PLPPR5: variants seen among roughly 807,000 people sequenced by gnomAD.
The protein encoded by PLPPR5 is phospholipid phosphatase-related protein type 5.
Under a neutral mutation model 33.9 loss-of-function variants are expected in PLPPR5, and 16 were observed. The ratio of observed to expected loss-of-function variants is 0.47; its 90% CI spans 0.32 to 0.72. The LOEUF (loss-of-function observed/expected upper bound fraction) is 0.72, where lower values mean the gene tolerates loss of function less well. Ranked by LOEUF, PLPPR5 falls within the 30% of genes least tolerant of loss-of-function variation. PLPPR5 has a pLI of 0.03. For synonymous variants in PLPPR5, 163 were observed against 150.3 expected (o/e 1.08, Z -0.62); for missense variants, 301 against 406.7 (o/e 0.74, Z 2.23).
At position 98,956,731 on chromosome 1, in the gene PLPPR5, C is replaced by A; in HGVS notation, c.248G>T (p.Gly83Val). The stretch of plus-strand genomic sequence containing the variant: ...TTGTAGGCAAAAGACAGCAGTTTCT[C>A]CAACTATTATCTTGAAAGAAAATAA... ...AGVPVLVIIV[G>V]ETAVFCLQLA... Residue 83 changes from glycine (G) to valine (V), a missense_variant, in exon 2 of 6, where the codon GGA becomes GTA. Physicochemically the swap from Gly to Val is moderately radical, Grantham distance 109. Coordinates refer to ENST00000263177, the MANE Select transcript of PLPPR5 (RefSeq NM_001037317.2). The A allele has an allele frequency of 6.4e-7, 1 of 1,561,952 alleles. No individual in the cohort carries two copies. The highest frequency in any genetic ancestry group is 8.6e-7 in the Non-Finnish European group (1 of 1,159,182).
chr1:99,004,334 G>T, intron 1 of PLPPR5, 101 bp downstream of exon 1: 1 of 1,038,556 alleles, frequency 9.6e-7, no homozygotes, highest in Non-Finnish European at 1.4e-6. Context: ...GAACTTAGAA[G>T]GCAAAACCTA....
At chr1:99,002,991 G>GAAAAGAGAAC (rs1557700067) in intron 1 of PLPPR5, among the ~76,000 whole-genome samples, 3 of 141,378 alleles carry the variant, frequency 2.1e-5, no homozygotes, top group African/African-American at 7.9e-5. Flanking sequence ...GTCAAATGGA[G>GAAAAGAGAAC]AAAAGAGAAC....
chr1:98,975,870 A>C (rs1381377108), intron 1 of PLPPR5, among the ~76,000 whole-genome samples: 2 of 151,958 alleles, frequency 1.3e-5, no homozygotes, highest in Non-Finnish European at 2.9e-5. Context: ...CTTCTTGCAC[A>C]ATTTTCCCAC....
rs1648701483 is a variant in PLPPR5 at position 98,901,741 on chromosome 1, AAAGT to A, written c.934-8641_934-8638del. ...GATATGAATTCAACCAAAAGCCTTAAAAGTGTTCATGCTCTGTTTCTGCACTTCT... is the reference window on the plus strand; with the variant it reads ...GATATGAATTCAACCAAAAGCCTTAAGTTCATGCTCTGTTTCTGCACTTCT... On this transcript the variant is annotated intron_variant, in intron 5 of 5. Coordinates refer to ENST00000263177, the MANE Select transcript of PLPPR5 (RefSeq NM_001037317.2). Among the ~76,000 whole-genome samples, 10 of 152,198 alleles carry A rather than the reference AAAGT, an allele frequency of 6.6e-5. No individual in the cohort carries two copies. In the South Asian group the frequency reaches 2.1e-3, roughly 32 times the overall value.
At chr1:98,961,621 T>G (rs571751357) in intron 1 of PLPPR5, among the ~76,000 whole-genome samples, 1 of 152,340 alleles carries the variant, frequency 6.6e-6, no homozygotes, top group African/African-American at 2.4e-5. Context: ...TTCATATCTA[T>G]TCTTTCTTCC....
intron 1 of PLPPR5, among the ~76,000 whole-genome samples, chr1:99,002,474 T>C (rs141314194): frequency 6.6e-6 from 1 of 152,312 alleles, no homozygotes; most frequent in African/African-American, 2.4e-5. Flanking sequence ...TTTTTTTTTG[T>C]TTTCAGATAT....
chr1:98,984,067 G>C (rs1015019397), intron 1 of PLPPR5, among the ~76,000 whole-genome samples: 1 of 151,716 alleles, frequency 6.6e-6, no homozygotes, highest in South Asian at 2.1e-4. Context: ...AATATCACTA[G>C]CTAAGCTGCT....
At chr1:99,001,703 T>TATATATATATAC (rs1652857814) in intron 1 of PLPPR5, among the ~76,000 whole-genome samples, 1 of 130,474 alleles carries the variant, frequency 7.7e-6, no homozygotes, top group Non-Finnish European at 1.7e-5. Flanking sequence ...TATATATATA[T>TATATATATATAC]ATGAAGCTTT....
At chr1:98,932,039 A>G (rs1461520605) in intron 3 of PLPPR5, among the ~76,000 whole-genome samples, 2 of 152,162 alleles carry the variant, frequency 1.3e-5, no homozygotes, top group Non-Finnish European at 2.9e-5. Flanking sequence ...TCATGGGTGG[A>G]AGGTGAAAGT....
rs552174909 is a variant in PLPPR5 at position 98,893,061 on chromosome 1, C to T, written c.*11G>A. ...GATGTCCAATGCAGTGAAAAACCAT[C>T]TGCTTCGATATCATGTGACTTCTGC... On this transcript the variant is annotated 3_prime_UTR_variant, in exon 6 of 6. Coordinates refer to ENST00000263177, the MANE Select transcript of PLPPR5 (RefSeq NM_001037317.2). The T allele has an allele frequency of 6.1e-5, 99 of 1,610,824 alleles. 1 individual carries two copies. The highest frequency in any genetic ancestry group is 5.5e-4 in the South Asian group (50 of 90,838).
chr1:98,932,582 AT>A (rs1209491465), intron 3 of PLPPR5, among the ~76,000 whole-genome samples: 2 of 152,154 alleles, frequency 1.3e-5, no homozygotes, highest in Admixed American at 6.5e-5. Context: ...TACTTTAGCT[AT>A]TTTTTAGGTG....
chr1:98,933,991 A>G (rs1018752701), intron 3 of PLPPR5, among the ~76,000 whole-genome samples: 5 of 152,148 alleles, frequency 3.3e-5, no homozygotes, highest in African/African-American at 9.7e-5. Flanking sequence ...GGGCTAGAGG[A>G]AGATGTTTCT....
At chr1:98,924,387 T>A (rs1343945392) in intron 3 of PLPPR5, among the ~76,000 whole-genome samples, 1 of 152,192 alleles carries the variant, frequency 6.6e-6, no homozygotes, top group African/African-American at 2.4e-5. Context: ...TCTTCCTTTC[T>A]TTTTCATTGA....
intron 1 of PLPPR5, among the ~76,000 whole-genome samples, chr1:98,963,704 C>T (rs1030963405): frequency 2.0e-4 from 30 of 152,292 alleles, no homozygotes; most frequent in African/African-American, 6.7e-4. Context: ...AGGTCACACC[C>T]TGGAGTCCTA....
intron 5 of PLPPR5, among the ~76,000 whole-genome samples, chr1:98,914,439 C>T (rs1410747991): frequency 6.6e-6 from 1 of 151,982 alleles, no homozygotes; most frequent in East Asian, 1.9e-4. Flanking sequence ...TGCATGCCAC[C>T]ACGTCCAGCT....
intron 3 of PLPPR5, among the ~76,000 whole-genome samples, chr1:98,946,290 A>G (rs1396471158): frequency 6.6e-6 from 1 of 152,196 alleles, no homozygotes; most frequent in East Asian, 1.9e-4. Flanking sequence ...CATTCTAGGT[A>G]TTCAATATAT....
chr1:98,918,717 T>G (rs1649446895), intron 4 of PLPPR5, among the ~76,000 whole-genome samples: 1 of 152,316 alleles, frequency 6.6e-6, no homozygotes, highest in East Asian at 1.9e-4. Context: ...GTAAAGGGTT[T>G]GAATATAGTC....
chr1:98,914,242 T>C (rs1295994593), intron 5 of PLPPR5, among the ~76,000 whole-genome samples: 1 of 152,168 alleles, frequency 6.6e-6, no homozygotes, highest in Non-Finnish European at 1.5e-5. Flanking sequence ...ACTAAATGGA[T>C]TTCACACACA....
At chr1:98,989,084 G>A (rs77891812) in intron 1 of PLPPR5, among the ~76,000 whole-genome samples, 10 of 152,172 alleles carry the variant, frequency 6.6e-5, no homozygotes, top group East Asian at 3.9e-4. Context: ...GAACAGGGAG[G>A]AGTCTGTGCA....
Sources: allele counts gnomAD v4.1 joint callset (sites outside exome capture counted in the v4.1 genomes callset), GRCh38; gene constraint gnomAD v4.1.1; transcripts MANE v1.5; gene names NCBI Gene and HGNC (gene_info 2026-07-23, HGNC 2026-07-21).